FSTL5: variants seen among roughly 807,000 people sequenced by gnomAD.
FSTL5 encodes the protein follistatin like 5.
A neutral mutation model predicts 89.1 loss-of-function variants in FSTL5; 62 were observed. The observed-to-expected ratio is 0.70, with a 90% CI of 0.57 to 0.86. FSTL5 has a LOEUF of 0.86. Ranked by LOEUF, FSTL5 falls within the 40% of genes least tolerant of loss-of-function variation. The pLI, the probability that FSTL5 is intolerant of heterozygous loss-of-function variation, is 0.00. For missense variants in FSTL5, 1,057 were observed against 1,001.6 expected (o/e 1.06, Z -0.75); for synonymous variants, 383 against 346.2 (o/e 1.11, Z -1.18).
intron 6 of FSTL5, among the ~76,000 whole-genome samples, chr4:161,696,881 C>T (rs1229880651): frequency 1.3e-5 from 2 of 152,090 alleles, no homozygotes; most frequent in Non-Finnish European, 1.5e-5. Context: ...GGTAAACTAT[C>T]CTCTCATCAG....
chr4:161,840,877 A>G (rs1731188225), intron 4 of FSTL5, among the ~76,000 whole-genome samples: 2 of 152,182 alleles, frequency 1.3e-5, no homozygotes, highest in Non-Finnish European at 2.9e-5. Context: ...GAAATAAGCA[A>G]GAAATCAAAG....
chr4:161,556,051 C>T (rs992583639), intron 8 of FSTL5, among the ~76,000 whole-genome samples: 2 of 151,510 alleles, frequency 1.3e-5, no homozygotes, highest in African/African-American at 4.8e-5. Context: ...GTTAAATGTT[C>T]CAGATGCAAA....
At chr4:162,059,935 C>T (rs1437890822) in intron 2 of FSTL5, among the ~76,000 whole-genome samples, 1 of 152,052 alleles carries the variant, frequency 6.6e-6, no homozygotes, top group East Asian at 1.9e-4. Flanking sequence ...TAAGAATCAC[C>T]AGGGAACTTG....
intron 4 of FSTL5, among the ~76,000 whole-genome samples, chr4:161,789,187 T>C (rs1729369415): frequency 6.6e-6 from 1 of 152,138 alleles, no homozygotes; most frequent in African/African-American, 2.4e-5. Flanking sequence ...TTTTTCCTCT[T>C]AGGCTCTATA....
intron 7 of FSTL5, among the ~76,000 whole-genome samples, chr4:161,614,928 A>T (rs532265470): frequency 6.6e-6 from 1 of 152,310 alleles, no homozygotes; most frequent in Non-Finnish European, 1.5e-5. Context: ...CCTCAAATAG[A>T]AAAATTCATT....
At chr4:161,834,673 G>A (rs1730973241) in intron 4 of FSTL5, among the ~76,000 whole-genome samples, 1 of 152,160 alleles carries the variant, frequency 6.6e-6, no homozygotes, top group African/African-American at 2.4e-5. Context: ...CAAACAGAGA[G>A]CCAAATCATG....
At chr4:162,090,619 G>A (rs1208876869) in intron 2 of FSTL5, among the ~76,000 whole-genome samples, 6 of 151,924 alleles carry the variant, frequency 3.9e-5, no homozygotes, top group Non-Finnish European at 4.4e-5. Context: ...CCAGGAGTTC[G>A]AGACTAGCCT....
chr4:161,694,071 A>G lies in FSTL5; in HGVS notation c.728-37577T>C, dbSNP rs79691850. 7.3e-3 allele frequency among the ~76,000 whole-genome samples: 1,088 copies of G among 148,348 alleles called. 12 individuals carry two copies. The highest frequency in any genetic ancestry group is 0.026 in the African/African-American group (1,024 of 39,406). On this transcript the variant is annotated intron_variant, in intron 6 of 15. Coordinates refer to ENST00000306100, the MANE Select transcript of FSTL5 (RefSeq NM_020116.5). ...TCAAATTTATTAATCTTTACAAAGAACCAACTTTTAGGTTTATCTGTTCTC... is the reference window on the plus strand; with the variant it reads ...TCAAATTTATTAATCTTTACAAAGAGCCAACTTTTAGGTTTATCTGTTCTC...
chr4:161,515,638 T>C (rs1194278911), intron 10 of FSTL5, among the ~76,000 whole-genome samples: 1 of 151,646 alleles, frequency 6.6e-6, no homozygotes, highest in Admixed American at 6.6e-5. Flanking sequence ...ACATGCCTAA[T>C]ATAGTCTTTA....
chr4:161,679,226 TTAA>T (rs1456800051), intron 6 of FSTL5, among the ~76,000 whole-genome samples: 1 of 151,570 alleles, frequency 6.6e-6, no homozygotes, highest in Non-Finnish European at 1.5e-5. Flanking sequence ...GCATTGGAAA[TTAA>T]TATATAGGAA....
chr4:161,768,566 TA>T (rs1479479300), intron 5 of FSTL5, among the ~76,000 whole-genome samples: 1 of 151,992 alleles, frequency 6.6e-6, no homozygotes, highest in Non-Finnish European at 1.5e-5. Context: ...GTACTCAATC[TA>T]AACTGTATTT....
chr4:161,441,289 A>G (rs954939651), intron 15 of FSTL5, among the ~76,000 whole-genome samples: 4 of 152,066 alleles, frequency 2.6e-5, no homozygotes, highest in Non-Finnish European at 4.4e-5. Flanking sequence ...TTAAAACTCC[A>G]AATTAAACCG....
At chr4:161,888,099 C>A (rs1721340588) in intron 4 of FSTL5, among the ~76,000 whole-genome samples, 1 of 151,976 alleles carries the variant, frequency 6.6e-6, no homozygotes, top group South Asian at 2.1e-4. Flanking sequence ...GTTTTTATAG[C>A]AGTGTGAAAA....
At chr4:161,754,698 C>T (rs1168058629) in intron 6 of FSTL5, among the ~76,000 whole-genome samples, 5 of 152,080 alleles carry the variant, frequency 3.3e-5, no homozygotes, top group African/African-American at 1.2e-4. Flanking sequence ...ATCACTTCAT[C>T]ATTTCAATTG....
At chr4:161,425,759 A>G (rs1456578522) in intron 15 of FSTL5, among the ~76,000 whole-genome samples, 1 of 152,098 alleles carries the variant, frequency 6.6e-6, no homozygotes. Context: ...TACAGATGAA[A>G]ATCTTGAAAC....
At chr4:162,085,392 G>A (rs1384644983) in intron 2 of FSTL5, among the ~76,000 whole-genome samples, 2 of 151,540 alleles carry the variant, frequency 1.3e-5, no homozygotes, top group Admixed American at 6.6e-5. Context: ...TAACAATCAG[G>A]AGATTTTTTT....
chr4:161,972,083 A>AG (rs2111016633), intron 3 of FSTL5, among the ~76,000 whole-genome samples: 1 of 152,168 alleles, frequency 6.6e-6, no homozygotes, highest in South Asian at 2.1e-4. Flanking sequence ...TTTTGGGAAG[A>AG]AACTGTGATG....
chr4:161,615,871 C>G (rs1734849394), intron 7 of FSTL5, among the ~76,000 whole-genome samples: 1 of 151,868 alleles, frequency 6.6e-6, no homozygotes, highest in African/African-American at 2.4e-5. Context: ...AATATAAAAC[C>G]CTTTAATAGG....
intron 1 of FSTL5, among the ~76,000 whole-genome samples, chr4:162,161,199 A>C (rs1579074142): frequency 6.6e-6 from 1 of 151,870 alleles, no homozygotes; most frequent in Admixed American, 6.6e-5. Flanking sequence ...TTACTGAATA[A>C]TCCTTTACAT....
Sources: allele counts gnomAD v4.1 joint callset (sites outside exome capture counted in the v4.1 genomes callset), GRCh38; gene constraint gnomAD v4.1.1; transcripts MANE v1.5; gene names NCBI Gene and HGNC (gene_info 2026-07-23, HGNC 2026-07-21).